HGF: variants seen among roughly 807,000 people sequenced by gnomAD.
HGF encodes the protein hepatocyte growth factor, also known as fibroblast-derived tumor cytotoxic factor.
A neutral mutation model predicts 111.6 loss-of-function variants in HGF; 39 were observed. The ratio of observed to expected loss-of-function variants is 0.35; its 90% CI spans 0.27 to 0.46. The LOEUF is 0.46. HGF is among the 20% of genes least tolerant of loss of function. The probability of loss-of-function intolerance (pLI) is 1.00; values close to 1 mark genes in which losing one functional copy is unlikely to be tolerated. For missense variants in HGF, 735 were observed against 910.5 expected (o/e 0.81, Z 2.48); for synonymous variants, 285 against 294.8 (o/e 0.97, Z 0.34).
At chr7:81,769,807 G>T (rs550930609) in intron 1 of HGF, 77 bp downstream of exon 1, 4 of 1,038,456 alleles carry the variant, frequency 3.9e-6, no homozygotes, top group Non-Finnish European at 5.9e-6. Context: ...TAAAAAGAGG[G>T]TGTTAAAAGG....
intron 5 of HGF, chr7:81,751,744 T>G: frequency 1.9e-6 from 2 of 1,050,578 alleles, no homozygotes; most frequent in Non-Finnish European, 2.3e-6. Context: ...AGGTGCTGGT[T>G]GAATAGAATT....
intron 4 of HGF, chr7:81,756,454 T>A (rs1788773152): frequency 5.7e-6 from 1 of 175,804 alleles, no homozygotes; most frequent in African/African-American, 2.4e-5. Flanking sequence ...GTATTAGATA[T>A]CTATGTTTTT....
In HGF at chr7:81,700,502, G is replaced by C. The variant is rs1452258143; in HGVS notation, c.*2079C>G. On this transcript the variant is annotated 3_prime_UTR_variant, in exon 18 of 18. Transcript: ENST00000222390. ...TGTATTTCCAGGAAATTTAGAGGAAGAGTCATTAAAGAAGTATTTTTAAAA... is the reference window on the plus strand; with the variant it reads ...TGTATTTCCAGGAAATTTAGAGGAACAGTCATTAAAGAAGTATTTTTAAAA... The C allele has an allele frequency of 6.6e-6, 1 of 151,584 alleles. No homozygotes were observed. Among genetic ancestry groups the C allele is most frequent in the Non-Finnish European group, 1.5e-5 (1 of 67,686 alleles). 9.4% of individuals were successfully genotyped at this position (151,584 alleles called of 1,614,324 possible).
chr7:81,734,037 G>T (rs1160062521), intron 7 of HGF, among the ~76,000 whole-genome samples: 1 of 152,190 alleles, frequency 6.6e-6, no homozygotes. Context: ...GTAAGGGAGG[G>T]TTTTGAAAAG....
chr7:81,745,501 G>A (rs5745664), intron 5 of HGF, among the ~76,000 whole-genome samples: 1,785 of 152,248 alleles, frequency 0.012, 12 homozygotes, highest in Non-Finnish European at 0.019. Flanking sequence ...GCACAATAGT[G>A]TTTCTCTCTC....
At chr7:81,736,376 A>G (rs1787826319) in intron 7 of HGF, among the ~76,000 whole-genome samples, 1 of 152,026 alleles carries the variant, frequency 6.6e-6, no homozygotes, top group Non-Finnish European at 1.5e-5. Context: ...CAACGGTCAT[A>G]GTTTTGTAGT....
intron 13 of HGF, among the ~76,000 whole-genome samples, chr7:81,707,731 A>C (rs1203757432): frequency 6.6e-6 from 1 of 152,166 alleles, no homozygotes; most frequent in Non-Finnish European, 1.5e-5. Flanking sequence ...AAAAATGTGA[A>C]TCTATTTTAA....
intron 7 of HGF, among the ~76,000 whole-genome samples, chr7:81,735,407 G>A (rs779929688): frequency 2.8e-4 from 42 of 151,974 alleles, no homozygotes; most frequent in Admixed American, 9.8e-4. Context: ...GGTATTGACG[G>A]CATTGTTTTT....
At chr7:81,751,870 C>T in intron 5 of HGF, 1 of 1,330,652 alleles carries the variant, frequency 7.5e-7, no homozygotes, top group South Asian at 1.7e-5. Flanking sequence ...CTTTCACTTT[C>T]CCCAGAGGGA....
chr7:81,720,670 G>T (rs374594626), intron 10 of HGF, 75 bp downstream of exon 10: 39 of 825,580 alleles, frequency 4.7e-5, no homozygotes, highest in East Asian at 4.6e-4. Flanking sequence ...GAAAGAAATA[G>T]CAATGTACAT....
rs200559590 is a variant in HGF, at chr7:81,745,021, C to T, written c.725G>A (p.Arg242Gln). The change falls in exon 6 of 18, where the codon CGG (arginine) becomes CAG (glutamine). Residue 242 changes from arginine to glutamine, a missense_variant. By Grantham distance (43) the Arg-to-Gln change is conservative (BLOSUM62 1). This residue lies in a region of HGF where 553 missense variants were observed against 685.6 expected (regional missense o/e 0.81). Coordinates refer to ENST00000222390, the MANE Select transcript of HGF (RefSeq NM_000601.6). ...TTACCTTTCAGGCAAGAATTTGTGC[C>T]GGTGTGGTGTCTGATGATCCCAGCG... ...CQRWDHQTPH[R>Q]HKFLPERYPD... is the part of the protein sequence containing the mutation. The T allele has an allele frequency of 2.6e-5, 42 of 1,613,862 alleles. No homozygotes were observed. Among genetic ancestry groups the T allele is most frequent in the Non-Finnish European group, 2.5e-5 (29 of 1,179,972 alleles).
chr7:81,741,737 G>A (rs1001457673), intron 7 of HGF, among the ~76,000 whole-genome samples: 6 of 151,808 alleles, frequency 4.0e-5, no homozygotes, highest in Non-Finnish European at 8.8e-5. Flanking sequence ...TCGGGAGTTC[G>A]AGACCAGCCT....
chr7:81,747,151 A>T (rs904045209), intron 5 of HGF, among the ~76,000 whole-genome samples: 1 of 152,162 alleles, frequency 6.6e-6, no homozygotes, highest in African/African-American at 2.4e-5. Context: ...ATCCTGGCTA[A>T]CACGGTGAAA....
At chr7:81,722,193 T>A (rs1173641348) in intron 9 of HGF, among the ~76,000 whole-genome samples, 1 of 152,106 alleles carries the variant, frequency 6.6e-6, no homozygotes, top group Non-Finnish European at 1.5e-5. Context: ...TGGAAGCCAC[T>A]TTAAACTGAC....
chr7:81,736,668 A>C, intron 7 of HGF: 1 of 456,700 alleles, frequency 2.2e-6, no homozygotes. Context: ...AGCAGAAGGC[A>C]TGGCTGGGGT....
At chr7:81,720,883 T>C (rs770478633) in intron 9 of HGF, 36 bp from the exon 10 acceptor site, 1 of 1,072,124 alleles carries the variant, frequency 9.3e-7, no homozygotes, top group East Asian at 2.4e-5. Context: ...GTCCAATGAA[T>C]ATCAAGGCAG....
intron 2 of HGF, among the ~76,000 whole-genome samples, chr7:81,761,380 T>G (rs977048154): frequency 6.6e-6 from 1 of 152,146 alleles, no homozygotes; most frequent in African/African-American, 2.4e-5. Flanking sequence ...GATAAAGATC[T>G]TTTCTGACCA....
chr7:81,756,845 C>A, intron 4 of HGF: 1 of 300,004 alleles, frequency 3.3e-6, no homozygotes. Context: ...TCTCATCTAC[C>A]TCTGATTTTT....
rs1003691340 is a variant in HGF at position 81,720,979 on chromosome 7, C to T, written c.1169-132G>A. On this transcript the variant is annotated intron_variant, in intron 9 of 17. Coordinates refer to ENST00000222390, the MANE Select transcript of HGF (RefSeq NM_000601.6). ...TACTTGAAAGGGCTGGGTGCGGTGGCTCACGCCTGTAATCCCAGCACTTTG... is the reference window on the plus strand; with the variant it reads ...TACTTGAAAGGGCTGGGTGCGGTGGTTCACGCCTGTAATCCCAGCACTTTG... 3 of 647,702 alleles carry T rather than the reference C, an allele frequency of 4.6e-6. No homozygotes were observed. The African/African-American group carries it at 5.4e-5, about 12-fold the overall frequency. The allele number at this position is 647,702 out of a possible 1,614,324, so 40.1% of individuals were successfully genotyped here. A position where few individuals can be genotyped will look rare whatever the true frequency, so the allele number is the denominator to read the frequency against.
Sources: gnomAD v4.1 joint callset for allele counts (sites outside exome capture counted in the v4.1 genomes callset) on GRCh38, gnomAD v4.1.1 for gene constraint, gnomAD v4.1.1 regional missense constraint, MANE v1.5 for transcripts, NCBI Gene and HGNC (gene_info 2026-07-23, HGNC 2026-07-21) for gene names.